MTHFD1L: variants seen among roughly 807,000 people sequenced by gnomAD.
MTHFD1L encodes methylenetetrahydrofolate dehydrogenase (NADP+ dependent) 1 like, also known as monofunctional C1-tetrahydrofolate synthase, mitochondrial.
In MTHFD1L, 81 loss-of-function variants were observed where a neutral mutation model predicts 119.5. The ratio of observed to expected loss-of-function variants is 0.68; its 90% CI spans 0.57 to 0.82. The LOEUF is 0.82. Ranked by LOEUF, MTHFD1L falls within the 40% of genes least tolerant of loss-of-function variation. MTHFD1L has a pLI of 0.00. For synonymous variants in MTHFD1L, 430 were observed against 475.2 expected (o/e 0.90, Z 1.24); for missense variants, 1,125 against 1,253.4 (o/e 0.90, Z 1.55).
chr6:151,025,276 A>G (rs904600450), intron 24 of MTHFD1L, among the ~76,000 whole-genome samples: 1 of 152,242 alleles, frequency 6.6e-6, no homozygotes, highest in Admixed American at 6.5e-5. Flanking sequence ...GTCGGCACGT[A>G]GCTCAGATGT....
intron 5 of MTHFD1L, among the ~76,000 whole-genome samples, chr6:150,884,394 C>A (rs1199985327): frequency 6.6e-6 from 1 of 152,046 alleles, no homozygotes; most frequent in African/African-American, 2.4e-5. Context: ...CCTGCCTCGG[C>A]CTCCCAAAGT....
intron 1 of MTHFD1L, among the ~76,000 whole-genome samples, chr6:150,868,685 A>G (rs1778869688): frequency 6.6e-6 from 1 of 152,094 alleles, no homozygotes; most frequent in Non-Finnish European, 1.5e-5. Context: ...TTTTATATAT[A>G]ATGGGCCAGA....
intron 25 of MTHFD1L, among the ~76,000 whole-genome samples, chr6:151,035,757 T>C (rs536240359): frequency 1.4e-3 from 211 of 152,354 alleles, no homozygotes; most frequent in Non-Finnish European, 2.5e-3. Context: ...GTTAAAATGG[T>C]ATTTCTTTTA....
chr6:151,060,619 C>T (rs73622437), intron 26 of MTHFD1L, among the ~76,000 whole-genome samples: 3,328 of 152,280 alleles, frequency 0.022, 119 homozygotes, highest in African/African-American at 0.075. Flanking sequence ...CGAGAACAGA[C>T]TCACCAGGGG....
chr6:151,016,950 A>C (rs895368556), intron 24 of MTHFD1L, among the ~76,000 whole-genome samples: 7 of 149,704 alleles, frequency 4.7e-5, no homozygotes, highest in Non-Finnish European at 8.9e-5. Flanking sequence ...TTTCTTTTTT[A>C]TTTTAGTAGA....
rs372910467 is a variant in MTHFD1L, at chr6:151,088,574, G to A, written c.2848-3893G>A. ...CGAGTTCAAACGATTCTCCTTCCTCGGCCTCCCAAGTAGCTAAAACGACGG... is the reference window on the plus strand; with the variant it reads ...CGAGTTCAAACGATTCTCCTTCCTCAGCCTCCCAAGTAGCTAAAACGACGG... On this transcript the variant is annotated intron_variant, in intron 26 of 27. Transcript: ENST00000367321. Among the ~76,000 whole-genome samples the A allele has an allele frequency of 2.6e-5, 4 of 151,114 alleles. No individual in the cohort carries two copies. In the East Asian group the frequency reaches 7.8e-4, roughly 29 times the overall value.
intron 20 of MTHFD1L, among the ~76,000 whole-genome samples, chr6:151,005,245 C>T (rs1781218132): frequency 6.6e-6 from 1 of 152,088 alleles, no homozygotes; most frequent in Non-Finnish European, 1.5e-5. Flanking sequence ...AGATACACAG[C>T]ACTCCACAGT....
At chr6:150,985,957 T>C (rs1778247947) in intron 20 of MTHFD1L, among the ~76,000 whole-genome samples, 1 of 152,210 alleles carries the variant, frequency 6.6e-6, no homozygotes, top group African/African-American at 2.4e-5. Flanking sequence ...CACATGGTCT[T>C]AAATTCAGCT....
chr6:150,945,333 C>A, intron 14 of MTHFD1L, 134 bp from the exon 15 acceptor site: 1 of 641,018 alleles, frequency 1.6e-6, no homozygotes, highest in Non-Finnish European at 2.7e-6. Flanking sequence ...TATATTAGCC[C>A]ACAAATTTTA....
chr6:150,879,676 C>A (rs182729605), intron 4 of MTHFD1L, among the ~76,000 whole-genome samples: 202 of 139,680 alleles, frequency 1.4e-3, no homozygotes, highest in African/African-American at 5.1e-3. Flanking sequence ...GTCACCCAGG[C>A]TAGAGTCCAA....
chr6:150,990,285 A>C (rs1778881608), intron 20 of MTHFD1L, among the ~76,000 whole-genome samples: 1 of 152,010 alleles, frequency 6.6e-6, no homozygotes, highest in Admixed American at 6.6e-5. Context: ...CTCAAAAAAA[A>C]AAAAGGCTTT....
chr6:150,935,433 T>A lies in MTHFD1L; in HGVS notation c.1257-1371T>A, dbSNP rs201204721. 4.3e-4 allele frequency: 689 copies of A among 1,613,546 alleles called. 8 individuals carry two copies. The South Asian group carries it at 6.2e-3, about 15-fold the overall frequency. On this transcript the variant is annotated intron_variant, in intron 11 of 27. Coordinates refer to ENST00000367321, the MANE Select transcript of MTHFD1L (RefSeq NM_015440.5). ...GAGAAATTGTTAGCAATGGGTGAACTGAGCTCATCAGCTCCTTGGCATTTG... is the reference window on the plus strand; with the variant it reads ...GAGAAATTGTTAGCAATGGGTGAACAGAGCTCATCAGCTCCTTGGCATTTG...
chr6:150,945,768 T>C (rs576725094), intron 15 of MTHFD1L, among the ~76,000 whole-genome samples: 2 of 152,338 alleles, frequency 1.3e-5, no homozygotes, highest in East Asian at 3.9e-4. Context: ...TTAACCTTTT[T>C]TGGTCTCAGT....
At chr6:151,046,454 A>T (rs2128561983) in intron 26 of MTHFD1L, among the ~76,000 whole-genome samples, 1 of 140,870 alleles carries the variant, frequency 7.1e-6, no homozygotes, top group East Asian at 2.1e-4. Flanking sequence ...ATATATATAT[A>T]TATAATATGT....
intron 20 of MTHFD1L, among the ~76,000 whole-genome samples, chr6:150,998,831 A>T (rs1421178881): frequency 6.6e-6 from 1 of 150,490 alleles, no homozygotes; most frequent in Non-Finnish European, 1.5e-5. Flanking sequence ...ACAAAAAAAA[A>T]AAAAAAACAT....
intron 16 of MTHFD1L, among the ~76,000 whole-genome samples, chr6:150,952,007 A>T (rs896527348): frequency 7.2e-5 from 11 of 152,230 alleles, no homozygotes; most frequent in Non-Finnish European, 5.9e-5. Flanking sequence ...GCAATGGCTT[A>T]GACATGGATC....
chr6:150,968,546 G>A (rs1403581957), intron 19 of MTHFD1L, among the ~76,000 whole-genome samples: 1 of 152,160 alleles, frequency 6.6e-6, no homozygotes, highest in East Asian at 1.9e-4. Context: ...GTCTCTCCCT[G>A]TCGCCCAGCC....
At chr6:151,071,623 C>T (rs995219890) in intron 26 of MTHFD1L, among the ~76,000 whole-genome samples, 2 of 151,762 alleles carry the variant, frequency 1.3e-5, no homozygotes, top group Admixed American at 6.6e-5. Context: ...AGCTGACTTG[C>T]CCAAAAATTA....
At position 151,057,901 on chromosome 6, in the gene MTHFD1L, C is replaced by T. The variant is rs868247127; in HGVS notation, c.2847+20784C>T. 2.0e-4 allele frequency among the ~76,000 whole-genome samples: 31 copies of T among 152,278 alleles called. No homozygotes were observed. The Middle Eastern group carries it at 0.017, about 84-fold the overall frequency. On this transcript the variant is annotated intron_variant, in intron 26 of 27. Transcript: ENST00000367321. ...TCAAGTGATTTTCCTGCCTCAGCCT[C>T]CCAAGTAGCTGGGATTACAGGCGCG...
Sources: allele counts gnomAD v4.1 joint callset (sites outside exome capture counted in the v4.1 genomes callset), GRCh38; gene constraint gnomAD v4.1.1; transcripts MANE v1.5; gene names NCBI Gene and HGNC (gene_info 2026-07-23, HGNC 2026-07-21).